The following CDHR2 variants were observed in gnomAD, a reference collection of about 807,000 sequenced individuals.
The protein encoded by CDHR2 is cadherin-related family member 2.
Under a neutral mutation model 138.6 loss-of-function variants are expected in CDHR2, and 104 were observed. That is an observed-to-expected ratio of 0.75 (90% CI 0.64 to 0.88). CDHR2 has a LOEUF of 0.88. Among genes scored for constraint, CDHR2 ranks in the 40% least tolerant of loss-of-function variants. The pLI, the probability that CDHR2 is intolerant of heterozygous loss-of-function variation, is 0.00. For synonymous variants in CDHR2, 755 were observed against 742.8 expected, an observed-to-expected ratio of 1.02 and a Z score of -0.27; for missense variants, 1,624 against 1,727.6, an observed-to-expected ratio of 0.94 and a Z score of 1.06.
At chr5:176,565,996 C>T (rs530510171) in intron 3 of CDHR2, among the ~76,000 whole-genome samples, 2 of 152,302 alleles carry the variant, frequency 1.3e-5, no homozygotes, top group South Asian at 2.1e-4. Context: ...CCGGCCTCCC[C>T]CATTGCCCAT....
chr5:176,556,493 A>G (rs544369630), intron 1 of CDHR2, among the ~76,000 whole-genome samples: 1 of 152,168 alleles, frequency 6.6e-6, no homozygotes, highest in Non-Finnish European at 1.5e-5. Flanking sequence ...GGTGAAACCC[A>G]GTCTCTACTA....
upstream of CDHR2, among the ~76,000 whole-genome samples, chr5:176,546,317 T>C (rs1276079341): frequency 6.6e-6 from 1 of 152,040 alleles, no homozygotes; most frequent in Non-Finnish European, 1.5e-5. Flanking sequence ...CCATCTGTAA[T>C]GGGGAAAAAA....
Position 176,576,579 on chromosome 5 carries a change from CTTTTT to C in CDHR2, c.1194+405_1194+409del. 7.3e-6 allele frequency among the ~76,000 whole-genome samples: 1 copy of C among 136,554 alleles called. No individual in the cohort carries two copies. The highest frequency in any genetic ancestry group is 1.6e-5 in the Non-Finnish European group (1 of 63,682). 89.6% of individuals were successfully genotyped at this position (136,554 alleles called of 152,430 possible). On this transcript the variant is annotated intron_variant, in intron 12 of 31. Coordinates refer to ENST00000261944, the MANE Select transcript of CDHR2 (RefSeq NM_017675.6). This position sits in a 1 kb window ranked among gnomAD's most constrained non-coding sequence, Gnocchi z 4.5. ...TGAGGGTGTGAGGTGGGAGGGTGCT[CTTTTT>C]TTTTTTTTTTGAGATGGAATTTCGC...
chr5:176,589,659 G>A, intron 24 of CDHR2, 43 bp downstream of exon 24: 1 of 1,565,184 alleles, frequency 6.4e-7, no homozygotes, highest in Non-Finnish European at 8.8e-7. Flanking sequence ...GAAGAACAGG[G>A]TGTAGGAGCC....
rs185533025 is a variant in CDHR2, at chr5:176,577,905, G to T, written c.1512+107G>T. On this transcript the variant is annotated intron_variant, in intron 14 of 31. Coordinates refer to ENST00000261944, the MANE Select transcript of CDHR2 (RefSeq NM_017675.6). ...ATGTGTGAGATGGGGGTGGCCATGA[G>T]TGAATCTGAGTGTGCTGGGGATTCT... The T allele has an allele frequency of 1.4e-4, 209 of 1,473,828 alleles. 1 individual carries two copies. In the African/African-American group the frequency reaches 2.7e-3, roughly 19 times the overall value. 91.3% of individuals were successfully genotyped at this position (1,473,828 alleles called of 1,614,324 possible). A position where few individuals can be genotyped will look rare whatever the true frequency, so the allele number is the denominator to read the frequency against.
rs1561866718 is a variant in CDHR2 at position 176,557,685 on chromosome 5, T to TCC, written c.-15-7653_-15-7652insCC. On this transcript the variant is annotated intron_variant, in intron 1 of 31. Coordinates refer to ENST00000261944, the MANE Select transcript of CDHR2 (RefSeq NM_017675.6). Reference sequence around the variant, plus strand: ...GGCTAAGTCATTATCTGTTGATTTTTTTTTCTTTCTTTCTTTCTTTCTTTC... The same window carrying TCC: ...GGCTAAGTCATTATCTGTTGATTTTTCCTTTTCTTTCTTTCTTTCTTTCTTTC... Among the ~76,000 whole-genome samples the TCC allele has an allele frequency of 8.6e-3, 357 of 41,400 alleles. 3 individuals are homozygous for TCC. The highest frequency in any genetic ancestry group is 0.015 in the African/African-American group (331 of 22,186). 27.2% of individuals were successfully genotyped at this position (41,400 alleles called of 152,430 possible). A position where few individuals can be genotyped will look rare whatever the true frequency, so the allele number is the denominator to read the frequency against.
intron 1 of CDHR2, chr5:176,556,857 G>T (rs913017063): frequency 6.6e-6 from 1 of 151,994 alleles, no homozygotes; most frequent in African/African-American, 2.4e-5. Context: ...AACAAAAGCC[G>T]GCCTTTTCCT....
chr5:176,587,983 A>G (rs952504426), intron 21 of CDHR2, among the ~76,000 whole-genome samples: 3 of 152,146 alleles, frequency 2.0e-5, no homozygotes, highest in African/African-American at 7.2e-5. Flanking sequence ...AGACCTAAGC[A>G]CTGGTGTTGG....
chr5:176,571,242 A>G lies in CDHR2; in HGVS notation c.345A>G (p.Glu115=), dbSNP rs1386919227. Reference sequence around the variant, plus strand: ...AGAGGGAGATGCTGGTGATTGTGGAAGATAGAAACGACAACGCACCCGTTT... The same window carrying G: ...AGAGGGAGATGCTGGTGATTGTGGAGGATAGAAACGACAACGCACCCGTTT... ...QVQREMLVIV[E]DRNDNAPVFQ... Residue 115 remains glutamate, a synonymous_variant, in exon 6 of 32, where the codon GAA becomes GAG. Coordinates refer to ENST00000261944, the MANE Select transcript of CDHR2 (RefSeq NM_017675.6). 1.2e-6 allele frequency: 2 copies of G among 1,612,958 alleles called. No homozygotes were observed. Among genetic ancestry groups the G allele is most frequent in the Admixed American group, 1.7e-5 (1 of 59,834 alleles).
rs1332867315 is a variant in CDHR2 at position 176,553,783 on chromosome 5, C to T, written c.-16+4369C>T. 6.6e-6 allele frequency among the ~76,000 whole-genome samples: 1 copy of T among 152,136 alleles called. No individual in the cohort carries two copies. The highest frequency in any genetic ancestry group is 1.9e-4 in the East Asian group (1 of 5,190). Reference sequence around the variant, plus strand: ...CCTCCACCAGCGCCACCTGCGTCTCCACCTTCATCAGCACACACATCATCA... The same window carrying T: ...CCTCCACCAGCGCCACCTGCGTCTCTACCTTCATCAGCACACACATCATCA... On this transcript the variant is annotated intron_variant, in intron 1 of 31. Transcript: ENST00000261944. The surrounding 1 kb of genome is among the most constrained non-coding windows in gnomAD (Gnocchi z 4.3).
chr5:176,584,746 G>C lies in CDHR2; in HGVS notation c.2465G>C (p.Gly822Ala). 6.2e-7 allele frequency: 1 copy of C among 1,614,182 alleles called. No individual in the cohort carries two copies. The change falls in exon 19 of 32, where the codon GGC becomes GCC. Residue 822 changes from glycine to alanine, a missense_variant. This residue lies in a region of CDHR2 where 1,061 missense variants were observed against 1,136.6 expected (regional missense o/e 0.93). Coordinates refer to ENST00000261944, the MANE Select transcript of CDHR2 (RefSeq NM_017675.6). Reference sequence around the variant, plus strand: ...CGGGGCATCCGTGTGGCTGAGAATGGCTCACAGCACGGCCAGGTGGCTGTG... The same window carrying C: ...CGGGGCATCCGTGTGGCTGAGAATGCCTCACAGCACGGCCAGGTGGCTGTG... ...SLRGIRVAEN[G>A]SQHGQVAVVV...
chr5:176,563,372 G>A (rs1190763149), intron 1 of CDHR2, among the ~76,000 whole-genome samples: 1 of 152,028 alleles, frequency 6.6e-6, no homozygotes, highest in Non-Finnish European at 1.5e-5. Context: ...AAAAAAGGCT[G>A]CGGTTATGGC....
In CDHR2 at chr5:176,576,298, T is replaced by C; in HGVS notation, c.1194+113T>C. 3.6e-6 allele frequency: 3 copies of C among 839,472 alleles called. No homozygotes were observed. The highest frequency in any genetic ancestry group is 5.6e-6 in the Non-Finnish European group (3 of 533,600). 52.0% of individuals were successfully genotyped at this position (839,472 alleles called of 1,614,324 possible). A position where few individuals can be genotyped will look rare whatever the true frequency, so the allele number is the denominator to read the frequency against. On this transcript the variant is annotated intron_variant, in intron 12 of 31. Coordinates refer to ENST00000261944, the MANE Select transcript of CDHR2 (RefSeq NM_017675.6). The surrounding 1 kb of genome is among the most constrained non-coding windows in gnomAD (Gnocchi z 4.5). ...GTGGCGGTGCTGGTGGTGCAGGGTG[T>C]GATGGCGGAGAATGGGGGTGCTGGG...
intron 1 of CDHR2, among the ~76,000 whole-genome samples, chr5:176,561,300 C>T (rs1474642092): frequency 2.0e-5 from 3 of 152,252 alleles, no homozygotes; most frequent in Non-Finnish European, 4.4e-5. Flanking sequence ...CCACATACCA[C>T]ATTACACTCT....
Position 176,575,853 on chromosome 5 carries a change from C to A in CDHR2, c.960+14C>A. ...CTGCAGGTCACGGTGAGCAAAGGCC[C>A]CACCACCCCTGTCAGAACCCTGCTC... On this transcript the variant is annotated intron_variant, in intron 11 of 31. Coordinates refer to ENST00000261944, the MANE Select transcript of CDHR2 (RefSeq NM_017675.6). 1.3e-6 allele frequency: 2 copies of A among 1,543,572 alleles called. No homozygotes were observed. Among genetic ancestry groups the A allele is most frequent in the Non-Finnish European group, 1.8e-6 (2 of 1,141,576 alleles).
chr5:176,577,298 C>A, intron 12 of CDHR2, 101 bp from the exon 13 acceptor site: 1 of 1,310,072 alleles, frequency 7.6e-7, no homozygotes, highest in Non-Finnish European at 1.0e-6. Context: ...CATGGGACCT[C>A]ATCGGGCGGG....
At chr5:176,578,316 A>C (rs764402396) in intron 15 of CDHR2, 49 bp from the exon 16 acceptor site, 3 of 1,546,652 alleles carry the variant, frequency 1.9e-6, no homozygotes, top group Non-Finnish European at 2.6e-6. Flanking sequence ...ATTCACACTG[A>C]AATGGGCATC....
chr5:176,586,267 C>T (rs1758663864), intron 20 of CDHR2, among the ~76,000 whole-genome samples: 1 of 152,240 alleles, frequency 6.6e-6, no homozygotes, highest in South Asian at 2.1e-4. Flanking sequence ...ACGATCTCAG[C>T]TCACTGCAAC....
intron 19 of CDHR2, 125 bp downstream of exon 19, chr5:176,585,140 A>G (rs1758629651): frequency 8.3e-7 from 1 of 1,201,770 alleles, no homozygotes. Flanking sequence ...AGCTGCAAAT[A>G]CTGGGAAAGT....
Sources: allele counts gnomAD v4.1 joint callset (sites outside exome capture counted in the v4.1 genomes callset), GRCh38; gene constraint gnomAD v4.1.1; regional missense constraint gnomAD v4.1.1; non-coding constraint Gnocchi (gnomAD v3.1); transcripts MANE v1.5; gene names NCBI Gene and HGNC (gene_info 2026-07-23, HGNC 2026-07-21).